Variants in PSD2 observed in about 807,000 individuals in gnomAD.
PSD2 encodes pleckstrin and Sec7 domain containing 2.
PSD2 carries 38 observed loss-of-function variants against 69.8 expected under a neutral mutation model. The observed-to-expected ratio is 0.54, with a 90% confidence interval of 0.42 to 0.71. The LOEUF (loss-of-function observed/expected upper bound fraction) is 0.71. PSD2 is among the 30% of genes least tolerant of loss of function. PSD2 has a pLI of 0.00. For synonymous variants in PSD2, 412 were observed against 423.0 expected (o/e 0.97, Z 0.32); for missense variants, 943 against 1,014.5 (o/e 0.93, Z 0.96).
chr5:139,830,569 T>TTCCTTCCTTCCTTCCTTC (rs1334455882), intron 7 of PSD2, among the ~76,000 whole-genome samples: 199 of 51,062 alleles, frequency 3.9e-3, no homozygotes, highest in African/African-American at 6.6e-3. Flanking sequence ...TTCCTTCCTT[T>TTCCTTCCTTCCTTCCTTC]CTTTCTTTCT....
intron 7 of PSD2, among the ~76,000 whole-genome samples, chr5:139,827,807 A>T (rs1467543961): frequency 6.6e-6 from 1 of 152,168 alleles, no homozygotes; most frequent in East Asian, 1.9e-4. Flanking sequence ...ATTCACTATC[A>T]TGAGAACAGC....
At chr5:139,762,306 G>T in the PSD2 span, among the ~76,000 whole-genome samples, 1 of 151,466 alleles carries the variant, frequency 6.6e-6, no homozygotes, top group African/African-American at 2.4e-5. Context: ...GCCTCCCGAA[G>T]TGTTGGGATT....
chr5:139,747,357 C>G, the PSD2 span, among the ~76,000 whole-genome samples: 2 of 152,130 alleles, frequency 1.3e-5, no homozygotes, highest in African/African-American at 2.4e-5. The surrounding 1 kb of genome is among the most constrained non-coding windows in gnomAD (Gnocchi z 6.7). Flanking sequence ...GAGAGGGAGA[C>G]GCAGCCTCCC....
the PSD2 span, among the ~76,000 whole-genome samples, chr5:139,781,545 C>T: frequency 6.6e-6 from 1 of 152,028 alleles, no homozygotes; most frequent in Non-Finnish European, 1.5e-5. Flanking sequence ...CTGTGTTAGC[C>T]AGAGTGGTCT....
the PSD2 span, among the ~76,000 whole-genome samples, chr5:139,779,184 G>T: frequency 6.6e-6 from 1 of 152,026 alleles, no homozygotes; most frequent in Non-Finnish European, 1.5e-5. Flanking sequence ...TTGGTTACAT[G>T]AGTCAGTTCT....
the PSD2 span, among the ~76,000 whole-genome samples, chr5:139,757,728 G>C: frequency 2.0e-5 from 3 of 152,158 alleles, no homozygotes; most frequent in African/African-American, 7.2e-5. Flanking sequence ...TTAACTAAAA[G>C]CAGGCCTCCA....
intron 14 of PSD2, among the ~76,000 whole-genome samples, chr5:139,841,086 T>C (rs199597984): frequency 1.3e-5 from 2 of 152,318 alleles, no homozygotes; most frequent in East Asian, 1.9e-4. Context: ...ACCATTCTAC[T>C]CTCTGCCTCT....
In PSD2 at chr5:139,838,559, C is replaced by T. The variant is rs143871911; in HGVS notation, c.1824-69C>T. ...TCAGTGCCAGGCCCAGTGCTGGGTA[C>T]GGGATGCTGAGTAGGGGACAGGGAG... is the stretch of plus-strand genomic sequence containing the variant. On this transcript the variant is annotated intron_variant, in intron 12 of 14. Coordinates refer to ENST00000274710, the MANE Select transcript of PSD2 (RefSeq NM_032289.4). 80 of 1,547,716 alleles carry T rather than the reference C, an allele frequency of 5.2e-5. No homozygotes were observed. The East Asian group carries it at 5.7e-4, about 11-fold the overall frequency.
At chr5:139,804,197 A>C (rs1430305525) in intron 1 of PSD2, among the ~76,000 whole-genome samples, 1 of 152,170 alleles carries the variant, frequency 6.6e-6, no homozygotes, top group East Asian at 1.9e-4. Context: ...CCCATGTGCT[A>C]AAATCTGGGT....
intron 2 of PSD2, among the ~76,000 whole-genome samples, chr5:139,812,827 C>T (rs1211874789): frequency 6.6e-6 from 1 of 152,164 alleles, no homozygotes; most frequent in Non-Finnish European, 1.5e-5. Flanking sequence ...GGAAGCAGCC[C>T]TCTAGGCCGG....
chr5:139,771,873 T>C, the PSD2 span, among the ~76,000 whole-genome samples: 1 of 152,140 alleles, frequency 6.6e-6, no homozygotes, highest in Non-Finnish European at 1.5e-5. Flanking sequence ...ACCACTGGGC[T>C]GCCATCCAAG....
the PSD2 span, among the ~76,000 whole-genome samples, chr5:139,766,944 T>TCTTTCTTTCTTTCTTTCTTC: frequency 1.7e-5 from 2 of 117,560 alleles, no homozygotes; most frequent in Non-Finnish European, 3.6e-5. Context: ...TTTCTTTCTT[T>TCTTTCTTTCTTTCTTTCTTC]CTTTCTTTCT....
the PSD2 span, among the ~76,000 whole-genome samples, chr5:139,752,524 A>G: frequency 1.3e-5 from 2 of 152,216 alleles, no homozygotes; most frequent in African/African-American, 4.8e-5. Context: ...CACAGCACAA[A>G]TAGGCATGAA....
At chr5:139,759,106 G>A in the PSD2 span, among the ~76,000 whole-genome samples, 2 of 152,206 alleles carry the variant, frequency 1.3e-5, no homozygotes, top group Admixed American at 1.3e-4. Context: ...CTCTGCCCTG[G>A]TCTGGTTCTA....
At chr5:139,748,862 A>G in the PSD2 span, among the ~76,000 whole-genome samples, 3 of 150,350 alleles carry the variant, frequency 2.0e-5, no homozygotes, top group South Asian at 2.1e-4. Context: ...ATAAATAAAG[A>G]GAGAAGGGAG....
chr5:139,766,399 C>T, the PSD2 span, among the ~76,000 whole-genome samples: 3 of 152,198 alleles, frequency 2.0e-5, no homozygotes, highest in African/African-American at 7.2e-5. Context: ...TTCTTTTCAC[C>T]TGCCTGGGCC....
At position 139,837,012 on chromosome 5, in the gene PSD2, G is replaced by T; in HGVS notation, c.1594+11G>T. ...TGGATGGCAAGAGGAGTGGGTGTCAGGCTGGGAGAGGGGCATGGGAGGGAG... is the reference window on the plus strand; with the variant it reads ...TGGATGGCAAGAGGAGTGGGTGTCATGCTGGGAGAGGGGCATGGGAGGGAG... On this transcript the variant is annotated intron_variant, in intron 10 of 14. Transcript: ENST00000274710. The surrounding 1 kb of genome is among the most constrained non-coding windows in gnomAD (Gnocchi z 5.0). 6.2e-7 allele frequency: 1 copy of T among 1,608,792 alleles called. No homozygotes were observed. The highest frequency in any genetic ancestry group is 8.5e-7 in the Non-Finnish European group (1 of 1,176,346).
intron 1 of PSD2, among the ~76,000 whole-genome samples, chr5:139,801,822 G>C (rs909120713): frequency 6.6e-6 from 1 of 152,088 alleles, no homozygotes; most frequent in Non-Finnish European, 1.5e-5. Flanking sequence ...CTTCTTGAGC[G>C]GCAACTCCAT....
chr5:139,783,523 C>A, the PSD2 span, among the ~76,000 whole-genome samples: 13 of 152,210 alleles, frequency 8.5e-5, no homozygotes, highest in Non-Finnish European at 1.8e-4. Flanking sequence ...GGATGTAGCA[C>A]ATATTGTTAA....
Sources: allele counts gnomAD v4.1 joint callset (sites outside exome capture counted in the v4.1 genomes callset), GRCh38; gene constraint gnomAD v4.1.1; non-coding constraint Gnocchi (gnomAD v3.1); transcripts MANE v1.5; gene names NCBI Gene and HGNC (gene_info 2026-07-23, HGNC 2026-07-21).